Variants in PPIG observed in about 807,000 individuals in gnomAD.
The protein encoded by PPIG is peptidyl-prolyl cis-trans isomerase G.
A neutral mutation model predicts 87.9 loss-of-function variants in PPIG; 26 were observed. The ratio of observed to expected loss-of-function variants is 0.30; its 90% CI spans 0.22 to 0.41. The LOEUF is 0.41. Ranked by LOEUF, PPIG falls within the 10% of genes least tolerant of loss-of-function variation. The pLI is 1.00. For missense variants in PPIG, 722 were observed against 879.4 expected (o/e 0.82, Z 2.26); for synonymous variants, 308 against 276.5 (o/e 1.11, Z -1.13).
At position 169,633,566 on chromosome 2, in the gene PPIG, A is replaced by G. The variant is rs1331702439; in HGVS notation, c.1017+319A>G. ...AAATAAAAATTAACCCTATTCTTGT[A>G]TTTTATTCTTTTTTTATTTACTAGA... On this transcript the variant is annotated intron_variant, in intron 12 of 13. Coordinates refer to ENST00000260970, the MANE Select transcript of PPIG (RefSeq NM_004792.3). 4 of 414,106 alleles carry G rather than the reference A, an allele frequency of 9.7e-6. No homozygotes were observed. In the East Asian group the frequency reaches 1.7e-4, roughly 18 times the overall value. The allele number at this position is 414,106 out of a possible 1,614,324, so 25.7% of individuals were successfully genotyped here. A position where few individuals can be genotyped will look rare whatever the true frequency, so the allele number is the denominator to read the frequency against.
chr2:169,597,603 A>G (rs1440149159), intron 1 of PPIG, among the ~76,000 whole-genome samples: 2 of 151,392 alleles, frequency 1.3e-5, no homozygotes, highest in African/African-American at 2.4e-5. Flanking sequence ...AGTTCAAGCA[A>G]TTCTGTGCCT....
intron 5 of PPIG, 83 bp from the exon 6 acceptor site, chr2:169,607,021 T>A: frequency 1.2e-6 from 1 of 852,750 alleles, no homozygotes; most frequent in Non-Finnish European, 1.9e-6. Context: ...TATTCAAAAA[T>A]CTACTTTACA....
chr2:169,604,644 G>A (rs1016395698), intron 4 of PPIG, among the ~76,000 whole-genome samples: 2 of 152,028 alleles, frequency 1.3e-5, no homozygotes, highest in South Asian at 2.1e-4. Context: ...GGGAGGCCGA[G>A]GGGGGTGGCT....
In PPIG at chr2:169,606,172, A is replaced by G. The variant is rs751425871; in HGVS notation, c.244+26A>G. 12 of 1,493,356 alleles carry G rather than the reference A, an allele frequency of 8.0e-6. No homozygotes were observed. In the South Asian group the frequency reaches 1.1e-4, roughly 14 times the overall value. The allele number at this position is 1,493,356 out of a possible 1,614,324, so 92.5% of individuals were successfully genotyped here. A position where few individuals can be genotyped will look rare whatever the true frequency, so the allele number is the denominator to read the frequency against. ...GTGAGACTTGGAAAAATCATGTATT[A>G]TTTTCTGTTAAATATCACAGATCTC... On this transcript the variant is annotated intron_variant, in intron 5 of 13. Transcript: ENST00000260970.
intron 1 of PPIG, among the ~76,000 whole-genome samples, chr2:169,588,871 A>G (rs997154775): frequency 8.6e-5 from 13 of 150,744 alleles, no homozygotes; most frequent in Non-Finnish European, 1.3e-4. Context: ...AGGCAGGAGA[A>G]TCGCTTGAAC....
intron 9 of PPIG, among the ~76,000 whole-genome samples, chr2:169,620,228 A>G (rs1024439366): frequency 6.6e-6 from 1 of 152,030 alleles, no homozygotes; most frequent in Non-Finnish European, 1.5e-5. Context: ...CTTATGTTTA[A>G]GTCATTAAAC....
chr2:169,619,357 G>T (rs529639419), intron 9 of PPIG, among the ~76,000 whole-genome samples: 1 of 152,174 alleles, frequency 6.6e-6, no homozygotes, highest in Non-Finnish European at 1.5e-5. Context: ...TTGATTTGGG[G>T]TGGAGAGTTC....
intron 7 of PPIG, among the ~76,000 whole-genome samples, chr2:169,614,179 G>A (rs1685558510): frequency 1.3e-5 from 2 of 152,160 alleles, no homozygotes; most frequent in Admixed American, 6.5e-5. Context: ...AACATGAATG[G>A]TTAGAAATAA....
intron 1 of PPIG, among the ~76,000 whole-genome samples, chr2:169,601,119 TA>T (rs1381862302): frequency 1.1e-4 from 16 of 152,244 alleles, no homozygotes; most frequent in Non-Finnish European, 2.2e-4. Flanking sequence ...TCTTTTGAAC[TA>T]AACAGTAGGT....
chr2:169,623,398 G>T (rs985388064), intron 9 of PPIG, among the ~76,000 whole-genome samples: 5 of 152,190 alleles, frequency 3.3e-5, no homozygotes, highest in African/African-American at 1.2e-4. Context: ...ACCTTGAGAA[G>T]TAGGATATAC....
rs1163424653 is a variant in PPIG at position 169,614,630 on chromosome 2, A to G, written c.453A>G (p.Val151=). 1.2e-6 allele frequency: 2 copies of G among 1,613,144 alleles called. No individual in the cohort carries two copies. Among genetic ancestry groups the G allele is most frequent in the African/African-American group, 2.7e-5 (2 of 74,900 alleles). ...AAGTAATCTCTGGTCAAGAAGTTGT[A>G]AGAGAGATTGAAAACCAGAAAACAG... The part of the protein sequence containing the change: ...FGQVISGQEV[V]REIENQKTDA... The change falls in exon 9 of 14, where the codon GTA becomes GTG. Residue 151 remains valine (V), a synonymous_variant. Coordinates refer to ENST00000260970, the MANE Select transcript of PPIG (RefSeq NM_004792.3).
chr2:169,635,321 G>A lies in PPIG; in HGVS notation c.1018-771G>A, dbSNP rs541422319. Among the ~76,000 whole-genome samples the A allele has an allele frequency of 3.9e-5, 6 of 152,190 alleles. No homozygotes were observed. In the South Asian group the frequency reaches 1.2e-3, roughly 32 times the overall value. On this transcript the variant is annotated intron_variant, in intron 12 of 13. Coordinates refer to ENST00000260970, the MANE Select transcript of PPIG (RefSeq NM_004792.3). ...TTGCTTACCTCATCAATGTTATGTA[G>A]TACTACTTTCCCTTGCAGTTTTTAG...
At chr2:169,628,786 A>C in intron 9 of PPIG, among the ~76,000 whole-genome samples, 1 of 151,920 alleles carries the variant, frequency 6.6e-6, no homozygotes, top group Non-Finnish European at 1.5e-5. Context: ...CAAAAATAAA[A>C]ATTAAAAAAA....
In PPIG at chr2:169,584,992, G is replaced by A. The variant is rs1308243076; in HGVS notation, c.-70+502G>A. 3.1e-5 allele frequency: 5 copies of A among 163,928 alleles called. No individual in the cohort carries two copies. The Admixed American group carries it at 3.2e-4, about 11-fold the overall frequency. The allele number at this position is 163,928 out of a possible 1,614,324, so 10.2% of individuals were successfully genotyped here. A position where few individuals can be genotyped will look rare whatever the true frequency, so the allele number is the denominator to read the frequency against. Reference sequence around the variant, plus strand: ...GACGGGCGAAGAGCCTGAATCACAGGGATTAAAATTGAAGACTAGCTTTCC... The same window carrying A: ...GACGGGCGAAGAGCCTGAATCACAGAGATTAAAATTGAAGACTAGCTTTCC... On this transcript the variant is annotated intron_variant, in intron 1 of 13. Coordinates refer to ENST00000260970, the MANE Select transcript of PPIG (RefSeq NM_004792.3).
chr2:169,592,449 C>T (rs981067176), intron 1 of PPIG, among the ~76,000 whole-genome samples: 5 of 151,760 alleles, frequency 3.3e-5, no homozygotes, highest in African/African-American at 7.3e-5. Context: ...GGACTACAGG[C>T]GCCCACCACC....
chr2:169,637,385 G>A lies in PPIG; in HGVS notation c.2127G>A (p.Lys709=), dbSNP rs754288277. The part of the protein sequence containing the change: ...NELKSSMLKN[K]EDEKIRSSVE... Reference sequence around the variant, plus strand: ...TAAAGTCCTCCATGTTGAAAAATAAGGAGGATGAGAAGATCAGATCCTCAG... The same window carrying A: ...TAAAGTCCTCCATGTTGAAAAATAAAGAGGATGAGAAGATCAGATCCTCAG... Residue 709 remains lysine (K), a synonymous_variant, in exon 14 of 14, where the codon AAG becomes AAA. Coordinates refer to ENST00000260970, the MANE Select transcript of PPIG (RefSeq NM_004792.3). 3.1e-6 allele frequency: 5 copies of A among 1,612,618 alleles called. No homozygotes were observed. The highest frequency in any genetic ancestry group is 2.5e-6 in the Non-Finnish European group (3 of 1,179,726).
At position 169,598,198 on chromosome 2, in the gene PPIG, C is replaced by T. The variant is rs2105479793; in HGVS notation, c.-69-5444C>T. Among the ~76,000 whole-genome samples the T allele has an allele frequency of 2.0e-5, 3 of 152,098 alleles. No individual in the cohort carries two copies. In the South Asian group the frequency reaches 6.2e-4, roughly 32 times the overall value. The stretch of plus-strand genomic sequence containing the variant: ...ATATTTTCTGTAGAGACGGTTTTGC[C>T]ATGTTGCCCAGGCTGGTCTCAAACT... On this transcript the variant is annotated intron_variant, in intron 1 of 13. Coordinates refer to ENST00000260970, the MANE Select transcript of PPIG (RefSeq NM_004792.3).
intron 1 of PPIG, among the ~76,000 whole-genome samples, chr2:169,588,057 C>T (rs191587603): frequency 4.6e-5 from 7 of 152,026 alleles, no homozygotes; most frequent in South Asian, 2.1e-4. Flanking sequence ...CCCAACTACT[C>T]GGGAGGCTGA....
intron 1 of PPIG, among the ~76,000 whole-genome samples, chr2:169,588,960 A>G (rs1684783269): frequency 1.3e-4 from 1 of 7,926 alleles, no homozygotes; most frequent in Admixed American, 2.1e-3. Context: ...CTCCCTCTCA[A>G]AAAAAAAAAA....
Sources: gnomAD v4.1 joint callset for allele counts (sites outside exome capture counted in the v4.1 genomes callset) on GRCh38, gnomAD v4.1.1 for gene constraint, MANE v1.5 for transcripts, NCBI Gene and HGNC (gene_info 2026-07-23, HGNC 2026-07-21) for gene names.